Variants in CMTM7 observed in about 807,000 individuals in gnomAD.
The protein encoded by CMTM7 is CKLF-like MARVEL transmembrane domain-containing protein 7.
In CMTM7, 7 loss-of-function variants were observed where a neutral mutation model predicts 19.3. The observed-to-expected ratio is 0.36, with a 90% CI of 0.21 to 0.68. The LOEUF is 0.68. Ranked by LOEUF, CMTM7 falls within the 30% of genes least tolerant of loss-of-function variation. The pLI is 0.60. For missense variants in CMTM7, 193 were observed against 232.6 expected (o/e 0.83, Z 1.11); for synonymous variants, 87 against 99.3 (o/e 0.88, Z 0.74).
intron 1 of CMTM7, among the ~76,000 whole-genome samples, chr3:32,417,388 T>A (rs1009548677): frequency 6.6e-6 from 1 of 152,254 alleles, no homozygotes; most frequent in African/African-American, 2.4e-5. Context: ...ATCCATGTTA[T>A]CACTTGGATA....
intron 1 of CMTM7, among the ~76,000 whole-genome samples, chr3:32,433,518 G>C (rs1696550027): frequency 6.6e-6 from 1 of 152,162 alleles, no homozygotes; most frequent in African/African-American, 2.4e-5. Flanking sequence ...ACCCTCCGGG[G>C]GCATTTGATG....
rs1245868186 is a variant in CMTM7, at chr3:32,391,938, C to T, written c.32C>T (p.Thr11Met). The change falls in exon 1 of 5, where the codon ACG becomes ATG. Residue 11 changes from threonine to methionine, a missense_variant. Physicochemically the swap from Thr to Met is moderately conservative, Grantham distance 81. Transcript: ENST00000334983. MSHGAGLVRT[T>M]CSSGSALGPG... ...CACGGAGCCGGGCTCGTCCGCACCA[C>T]GTGCAGCAGCGGCAGCGCGCTCGGA... The T allele has an allele frequency of 2.4e-6, 3 of 1,228,574 alleles. No homozygotes were observed. Among genetic ancestry groups the T allele is most frequent in the South Asian group, 4.1e-5 (1 of 24,312 alleles). The allele number at this position is 1,228,574 out of a possible 1,614,324, so 76.1% of individuals were successfully genotyped here.
intron 1 of CMTM7, among the ~76,000 whole-genome samples, chr3:32,421,415 C>T (rs1696341033): frequency 6.6e-6 from 1 of 152,166 alleles, no homozygotes; most frequent in Non-Finnish European, 1.5e-5. Context: ...CAAATATACT[C>T]TTGTGCTTTC....
chr3:32,400,466 C>T (rs1404894797), intron 1 of CMTM7, among the ~76,000 whole-genome samples: 1 of 135,350 alleles, frequency 7.4e-6, no homozygotes, highest in Non-Finnish European at 1.5e-5. Flanking sequence ...GGCGCGGGCT[C>T]ACTGCAACCT....
At chr3:32,395,916 A>C (rs1265874770) in intron 1 of CMTM7, among the ~76,000 whole-genome samples, 1 of 152,154 alleles carries the variant, frequency 6.6e-6, no homozygotes, top group African/African-American at 2.4e-5. Context: ...AGCAACTAAA[A>C]CTAAGTGCTA....
At chr3:32,408,902 G>A (rs1488352256) in intron 1 of CMTM7, among the ~76,000 whole-genome samples, 1 of 139,712 alleles carries the variant, frequency 7.2e-6, no homozygotes, top group Non-Finnish European at 1.6e-5. Flanking sequence ...TTTTTTTTTT[G>A]AGACAAAGTC....
At chr3:32,442,148 T>C in intron 2 of CMTM7, 135 bp downstream of exon 2, 1 of 788,616 alleles carries the variant, frequency 1.3e-6, no homozygotes, top group Non-Finnish European at 2.0e-6. Context: ...GCCCTGAATT[T>C]CCTATTGTTT....
At chr3:32,398,839 GA>G (rs1255011086) in intron 1 of CMTM7, among the ~76,000 whole-genome samples, 1 of 152,062 alleles carries the variant, frequency 6.6e-6, no homozygotes, top group East Asian at 1.9e-4. Flanking sequence ...ACAAAAATTA[GA>G]TGGGTGTGGT....
chr3:32,402,652 T>C (rs1028786032), intron 1 of CMTM7, among the ~76,000 whole-genome samples: 2 of 152,126 alleles, frequency 1.3e-5, no homozygotes, highest in African/African-American at 4.8e-5. Flanking sequence ...AACCTTCGCC[T>C]CCTGGGTTCA....
chr3:32,440,408 A>T (rs1696658229), intron 1 of CMTM7, among the ~76,000 whole-genome samples: 1 of 152,102 alleles, frequency 6.6e-6, no homozygotes, highest in Non-Finnish European at 1.5e-5. Flanking sequence ...TCCATCTCAA[A>T]AAAAAAAGAA....
chr3:32,431,260 C>T (rs970506958), intron 1 of CMTM7, among the ~76,000 whole-genome samples: 2 of 152,178 alleles, frequency 1.3e-5, no homozygotes, highest in African/African-American at 4.8e-5. Flanking sequence ...TTGAAACATA[C>T]AAACATGGAA....
chr3:32,451,758 G>A (rs1298874405), intron 3 of CMTM7: 5 of 233,186 alleles, frequency 2.1e-5, no homozygotes, highest in African/African-American at 1.2e-4. Flanking sequence ...CCCAGCACCC[G>A]AATCTCATCT....
intron 1 of CMTM7, among the ~76,000 whole-genome samples, chr3:32,401,319 T>C (rs1241928204): frequency 6.6e-6 from 1 of 152,182 alleles, no homozygotes; most frequent in Non-Finnish European, 1.5e-5. Flanking sequence ...AATAACCACT[T>C]ACAGCCCGAC....
chr3:32,400,859 T>G (rs2125619661), intron 1 of CMTM7, among the ~76,000 whole-genome samples: 1 of 152,310 alleles, frequency 6.6e-6, no homozygotes, highest in African/African-American at 2.4e-5. Flanking sequence ...AAGGAGGCTG[T>G]GATGAACCTC....
Position 32,422,123 on chromosome 3 carries a change from G to C in CMTM7, c.160-19717G>C, listed in dbSNP as rs1421711518. The stretch of plus-strand genomic sequence containing the variant: ...CATACTTCCTTCCCCAGGCCCCACA[G>C]GGCACAACGTGATGATCACACGTTC... On this transcript the variant is annotated intron_variant, in intron 1 of 4. Transcript: ENST00000334983. Among the ~76,000 whole-genome samples the C allele has an allele frequency of 2.0e-5, 3 of 152,218 alleles. No individual in the cohort carries two copies. In the East Asian group the frequency reaches 5.8e-4, roughly 29 times the overall value.
intron 1 of CMTM7, among the ~76,000 whole-genome samples, chr3:32,396,736 C>G (rs746452349): frequency 2.6e-5 from 4 of 152,170 alleles, no homozygotes; most frequent in Non-Finnish European, 5.9e-5. Context: ...CCACCACATC[C>G]ACTCCTAGAA....
At chr3:32,451,750 C>T (rs1696836072) in intron 3 of CMTM7, 1 of 230,480 alleles carries the variant, frequency 4.3e-6, no homozygotes, top group Non-Finnish European at 8.6e-6. Context: ...CTTCGTCTCC[C>T]AGCACCCGAA....
Position 32,449,468 on chromosome 3 carries a change from T to C in CMTM7, c.348T>C (p.Tyr116=). The C allele has an allele frequency of 1.9e-6, 3 of 1,613,992 alleles. No individual in the cohort carries two copies. The highest frequency in any genetic ancestry group is 8.5e-7 in the Non-Finnish European group (1 of 1,179,860). Residue 116 remains tyrosine, a synonymous_variant, in exon 3 of 5, where the codon TAT becomes TAC. Coordinates refer to ENST00000334983, the MANE Select transcript of CMTM7 (RefSeq NM_138410.4). This position sits in a 1 kb window ranked among gnomAD's most constrained non-coding sequence, Gnocchi z 4.5. ...TCTGCCCCCAGGAACTTCTGCACTATTTAATCGGTACCCTGCTCCTCCTCA... is the reference window on the plus strand; with the variant it reads ...TCTGCCCCCAGGAACTTCTGCACTACTTAATCGGTACCCTGCTCCTCCTCA... The part of the protein sequence containing the change: ...ISWPLSELLH[Y]LIGTLLLLIA...
chr3:32,403,720 G>A (rs1003956008), intron 1 of CMTM7, among the ~76,000 whole-genome samples: 1 of 152,144 alleles, frequency 6.6e-6, no homozygotes. Context: ...ATTATGTTGT[G>A]TATATTTTCC....
Sources: allele counts gnomAD v4.1 joint callset (sites outside exome capture counted in the v4.1 genomes callset), GRCh38; gene constraint gnomAD v4.1.1; non-coding constraint Gnocchi (gnomAD v3.1); transcripts MANE v1.5; gene names NCBI Gene and HGNC (gene_info 2026-07-23, HGNC 2026-07-21).